The following MYO1E variants were observed in gnomAD, a reference collection of about 807,000 sequenced individuals.
The protein encoded by MYO1E is myosin IE, also known as unconventional myosin-Ie.
MYO1E carries 68 observed loss-of-function variants against 151.1 expected under a neutral mutation model. The ratio of observed to expected loss-of-function variants is 0.45; its 90% CI spans 0.37 to 0.55. MYO1E has a LOEUF of 0.55. Ranked by LOEUF, MYO1E falls within the 20% of genes least tolerant of loss-of-function variation. MYO1E has a pLI of 0.00. For synonymous variants in MYO1E, 601 were observed against 501.7 expected, an observed-to-expected ratio of 1.20 and a Z score of -2.64; for missense variants, 1,363 against 1,389.3, an observed-to-expected ratio of 0.98 and a Z score of 0.30.
In MYO1E at chr15:59,372,671, G is replaced by C; in HGVS notation, c.-171C>G. On this transcript the variant is annotated 5_prime_UTR_variant, in exon 1 of 28. Transcript: ENST00000288235. ...GGAACCCAGAGGGGACTCCATCCAG[G>C]CGGGATTGGCGGTGCTAGGTGAGGG... The C allele has an allele frequency of 1.3e-6, 1 of 786,774 alleles. No homozygotes were observed. Among genetic ancestry groups the C allele is most frequent in the Non-Finnish European group, 2.0e-6 (1 of 511,834 alleles). The allele number at this position is 786,774 out of a possible 1,614,324, so 48.7% of individuals were successfully genotyped here. A position where few individuals can be genotyped will look rare whatever the true frequency, so the allele number is the denominator to read the frequency against.
intron 1 of MYO1E, among the ~76,000 whole-genome samples, chr15:59,344,699 G>A (rs2080784231): frequency 1.3e-5 from 2 of 152,150 alleles, no homozygotes; most frequent in Non-Finnish European, 2.9e-5. Flanking sequence ...GGCTAAGCTG[G>A]CACCAAAACC....
At chr15:59,324,574 A>G (rs368872811) in intron 1 of MYO1E, among the ~76,000 whole-genome samples, 147 of 152,238 alleles carry the variant, frequency 9.7e-4, no homozygotes, top group African/African-American at 3.2e-3. Flanking sequence ...GCTGCCAGAT[A>G]GAGCTCCTCA....
rs2079535673 is a variant in MYO1E, at chr15:59,161,106, C to T, written c.2752G>A (p.Val918Ile). The T allele has an allele frequency of 2.5e-6, 4 of 1,613,962 alleles. No individual in the cohort carries two copies. The African/African-American group carries it at 4.0e-5, about 16-fold the overall frequency. ...TTGGGCAGTCCAGGTCCGATGCTGA[C>T]CTGCAGCACTTTGTTACTGGGCTTG... Reference protein sequence around the residue: ...VLKPSNKVLQVSIGPGLPKNS... With the variant: ...VLKPSNKVLQISIGPGLPKNS... Residue 918 changes from valine to isoleucine, a missense_variant, in exon 24 of 28, where the codon GTC becomes ATC. Val to Ile is a conservative substitution (Grantham distance 29, BLOSUM62 3). Coordinates refer to ENST00000288235, the MANE Select transcript of MYO1E (RefSeq NM_004998.4).
rs2079535999 is a variant in MYO1E, at chr15:59,161,155, T to G, written c.2703A>C (p.Gln901His). Residue 901 changes from glutamine to histidine, a missense_variant, in exon 24 of 28, where the codon CAA becomes CAC. Gln to His is a conservative substitution (Grantham distance 24, BLOSUM62 0). Transcript: ENST00000288235. Reference protein sequence around the residue: ...AGGSRQVQFHQGFGDLAVLKP... With the variant: ...AGGSRQVQFHHGFGDLAVLKP... ...TGAGGACAGCCAGGTCCCCAAACCC[T>G]TGGTGGAACTGCACTTGCCGGGAGC... 6.2e-7 allele frequency: 1 copy of G among 1,613,984 alleles called. No individual in the cohort carries two copies. The highest frequency in any genetic ancestry group is 1.7e-5 in the Admixed American group (1 of 59,996).
intron 1 of MYO1E, among the ~76,000 whole-genome samples, chr15:59,280,736 G>C (rs1002118525): frequency 2.6e-5 from 4 of 151,672 alleles, no homozygotes; most frequent in African/African-American, 7.3e-5. Flanking sequence ...TTTATAACCA[G>C]TAGCATCTTA....
intron 18 of MYO1E, among the ~76,000 whole-genome samples, chr15:59,178,920 A>G (rs1204497117): frequency 6.6e-6 from 1 of 152,172 alleles, no homozygotes; most frequent in Non-Finnish European, 1.5e-5. Flanking sequence ...GGCATTTAAC[A>G]CTTAATGCAA....
chr15:59,336,646 A>G (rs1567018320), intron 1 of MYO1E, among the ~76,000 whole-genome samples: 1 of 151,960 alleles, frequency 6.6e-6, no homozygotes, highest in Non-Finnish European at 1.5e-5. Context: ...ACATTTGCAG[A>G]ACGTGCGGGT....
intron 1 of MYO1E, among the ~76,000 whole-genome samples, chr15:59,308,918 T>C (rs1321839016): frequency 1.3e-5 from 2 of 151,956 alleles, no homozygotes; most frequent in African/African-American, 2.4e-5. Context: ...AGAGGCAGAA[T>C]TGCAGAAAGA....
chr15:59,149,530 G>A (rs1378201316), intron 26 of MYO1E, among the ~76,000 whole-genome samples: 1 of 152,186 alleles, frequency 6.6e-6, no homozygotes, highest in Non-Finnish European at 1.5e-5. Flanking sequence ...GCTACCATGT[G>A]CACCAATACT....
chr15:59,369,100 T>A (rs929070501), intron 1 of MYO1E, among the ~76,000 whole-genome samples: 1 of 152,230 alleles, frequency 6.6e-6, no homozygotes, highest in Admixed American at 6.5e-5. Context: ...TCTGTGGAAA[T>A]CAAGTAGGTT....
chr15:59,265,500 G>GAA (rs5812968), intron 2 of MYO1E, among the ~76,000 whole-genome samples: 1 of 151,152 alleles, frequency 6.6e-6, no homozygotes, highest in African/African-American at 2.4e-5. Context: ...AGATATTCAG[G>GAA]AAAAAAAACA....
chr15:59,261,079 G>A (rs1270257039), intron 3 of MYO1E, among the ~76,000 whole-genome samples: 1 of 151,992 alleles, frequency 6.6e-6, no homozygotes, highest in African/African-American at 2.4e-5. Context: ...CAGGTGTGGT[G>A]GTGCATGCCT....
At chr15:59,334,918 T>A (rs2080719370) in intron 1 of MYO1E, among the ~76,000 whole-genome samples, 2 of 152,222 alleles carry the variant, frequency 1.3e-5, no homozygotes, top group Non-Finnish European at 2.9e-5. Context: ...CAGGTCACAC[T>A]TTCAGAAACC....
chr15:59,207,558 T>G, intron 14 of MYO1E: 1 of 1,614,058 alleles, frequency 6.2e-7, no homozygotes, highest in Non-Finnish European at 8.5e-7. Context: ...CCAAAAACCG[T>G]ATTATTGGAA....
At chr15:59,154,318 G>A (rs1198696677) in intron 25 of MYO1E, among the ~76,000 whole-genome samples, 3 of 152,194 alleles carry the variant, frequency 2.0e-5, no homozygotes, top group Non-Finnish European at 4.4e-5. Flanking sequence ...GGCAGAGGGG[G>A]TGCTCTACAC....
chr15:59,204,854 CAT>C (rs1179283638), intron 15 of MYO1E, among the ~76,000 whole-genome samples: 1 of 152,156 alleles, frequency 6.6e-6, no homozygotes, highest in African/African-American at 2.4e-5. Context: ...GGCAAAGTAT[CAT>C]AGAACCAGAC....
At chr15:59,324,473 T>C (rs1372364338) in intron 1 of MYO1E, among the ~76,000 whole-genome samples, 2 of 152,034 alleles carry the variant, frequency 1.3e-5, no homozygotes, top group East Asian at 1.9e-4. Flanking sequence ...GTCTTTGGAG[T>C]TGGGCATGTT....
intron 9 of MYO1E, among the ~76,000 whole-genome samples, chr15:59,218,707 G>GT (rs1205215811): frequency 4.6e-5 from 7 of 152,218 alleles, no homozygotes; most frequent in African/African-American, 1.7e-4. Context: ...AGCTGAATAT[G>GT]TAACACAGAC....
At chr15:59,362,367 A>G (rs571379880) in intron 1 of MYO1E, among the ~76,000 whole-genome samples, 3 of 152,294 alleles carry the variant, frequency 2.0e-5, no homozygotes, top group East Asian at 3.9e-4. Context: ...TCCAATGAAC[A>G]TTTAGATTGT....
Sources: allele counts gnomAD v4.1 joint callset (sites outside exome capture counted in the v4.1 genomes callset), GRCh38; gene constraint gnomAD v4.1.1; transcripts MANE v1.5; gene names NCBI Gene and HGNC (gene_info 2026-07-23, HGNC 2026-07-21).